Variants in TMEM87B observed in about 807,000 individuals in gnomAD.
TMEM87B encodes the protein transmembrane protein 87B.
Under a neutral mutation model 80.3 loss-of-function variants are expected in TMEM87B, and 83 were observed. That is an observed-to-expected ratio of 1.03 (90% CI 0.87 to 1.24). The LOEUF (loss-of-function observed/expected upper bound fraction) is 1.24. TMEM87B is among the 50% of genes most tolerant of loss of function. The probability of loss-of-function intolerance (pLI) is 0.00; values close to 1 mark genes in which losing one functional copy is unlikely to be tolerated. For synonymous variants in TMEM87B, 219 were observed against 230.5 expected (o/e 0.95, Z 0.45); for missense variants, 625 against 674.4 (o/e 0.93, Z 0.81).
intron 3 of TMEM87B, among the ~76,000 whole-genome samples, chr2:112,065,643 CAAAAAAAAAAA>C (rs58619427): frequency 4.0e-5 from 3 of 75,352 alleles, no homozygotes; most frequent in African/African-American, 9.1e-5. Context: ...ACCTTGTCTT[CAAAAAAAAAAA>C]AAAAAAAAAA....
At chr2:112,058,964 C>G (rs1678164173) in intron 1 of TMEM87B, among the ~76,000 whole-genome samples, 1 of 152,134 alleles carries the variant, frequency 6.6e-6, no homozygotes, top group Admixed American at 6.5e-5. Flanking sequence ...AGTTGGTGAG[C>G]AGAGAGGAGT....
chr2:112,116,383 A>G lies in TMEM87B; in HGVS notation c.*240A>G, dbSNP rs983990373. Reference sequence around the variant, plus strand: ...ATAACCTGAGGAAAGTATTATGATAAAGATCTGCACAGATGCCTCTTAGCT... The same window carrying G: ...ATAACCTGAGGAAAGTATTATGATAGAGATCTGCACAGATGCCTCTTAGCT... On this transcript the variant is annotated 3_prime_UTR_variant, in exon 19 of 19. Coordinates refer to ENST00000283206, the MANE Select transcript of TMEM87B (RefSeq NM_032824.3). 1.8e-5 allele frequency: 8 copies of G among 438,222 alleles called. No individual in the cohort carries two copies. The highest frequency in any genetic ancestry group is 2.0e-5 in the Non-Finnish European group (5 of 245,244). 27.1% of individuals were successfully genotyped at this position (438,222 alleles called of 1,614,324 possible).
chr2:112,084,366 CAT>C (rs1679085448), intron 8 of TMEM87B, among the ~76,000 whole-genome samples: 1 of 152,202 alleles, frequency 6.6e-6, no homozygotes, highest in Non-Finnish European at 1.5e-5. Flanking sequence ...GAGCTACAGA[CAT>C]ATATATCCAG....
chr2:112,076,845 TGTG>T, intron 5 of TMEM87B, among the ~76,000 whole-genome samples: 1 of 11,612 alleles, frequency 8.6e-5, no homozygotes, highest in African/African-American at 9.5e-4. Flanking sequence ...TTCTGTTTTG[TGTG>T]TGTGTGTGTG....
chr2:112,085,132 A>T (rs1190667422), intron 8 of TMEM87B, among the ~76,000 whole-genome samples: 2 of 152,134 alleles, frequency 1.3e-5, no homozygotes, highest in Admixed American at 6.5e-5. Flanking sequence ...GTTTATTGTT[A>T]TTGACTTCCC....
At chr2:112,110,730 C>T (rs1419278839) in intron 17 of TMEM87B, among the ~76,000 whole-genome samples, 1 of 151,978 alleles carries the variant, frequency 6.6e-6, no homozygotes, top group African/African-American at 2.4e-5. Context: ...CCTTCTCCCA[C>T]CGCCCCCCCC....
rs4849007 is a variant in TMEM87B, at chr2:112,098,588, C to G, written c.1273-7C>G. On this transcript the variant is annotated splice_polypyrimidine_tract_variant and splice_region_variant and intron_variant, in intron 13 of 18. Coordinates refer to ENST00000283206, the MANE Select transcript of TMEM87B (RefSeq NM_032824.3). ...AACGTTTCATGCTTGAATTGTCCTT[C>G]TTTTAGGATTGGATGGAACGCTGGG... 2 of 1,613,036 alleles carry G rather than the reference C, an allele frequency of 1.2e-6. No individual in the cohort carries two copies. Among genetic ancestry groups the G allele is most frequent in the Admixed American group, 1.7e-5 (1 of 59,940 alleles).
At chr2:112,081,179 G>C in intron 7 of TMEM87B, 61 bp downstream of exon 7, 1 of 1,527,676 alleles carries the variant, frequency 6.5e-7, no homozygotes. Flanking sequence ...TAAGAGCTTT[G>C]TGGTAGTAAT....
At chr2:112,079,555 A>G (rs1678923461) in intron 6 of TMEM87B, among the ~76,000 whole-genome samples, 1 of 152,224 alleles carries the variant, frequency 6.6e-6, no homozygotes, top group African/African-American at 2.4e-5. Context: ...GCTATTGTTC[A>G]TACTGCTGCA....
chr2:112,056,405 T>C lies in TMEM87B; in HGVS notation c.165+649T>C, dbSNP rs1293236206. On this transcript the variant is annotated intron_variant, in intron 1 of 18. Transcript: ENST00000283206. ...GATTAGGGAGTGCTTGAAAGGCGAA[T>C]CTGGAGGCATGAGTGGGTGGAAACT... 2.0e-5 allele frequency among the ~76,000 whole-genome samples: 3 copies of C among 152,002 alleles called. No individual in the cohort carries two copies. In the East Asian group the frequency reaches 5.8e-4, roughly 29 times the overall value.
intron 9 of TMEM87B, among the ~76,000 whole-genome samples, chr2:112,089,002 G>A (rs1182766495): frequency 6.6e-6 from 1 of 152,154 alleles, no homozygotes; most frequent in Non-Finnish European, 1.5e-5. Context: ...CTCAAGTAAT[G>A]TGCGTACCTT....
At position 112,076,097 on chromosome 2, in the gene TMEM87B, C is replaced by T. The variant is rs1016006709; in HGVS notation, c.502-1095C>T. Among the ~76,000 whole-genome samples the T allele has an allele frequency of 7.9e-5, 12 of 152,034 alleles. No individual in the cohort carries two copies. The South Asian group carries it at 2.5e-3, about 32-fold the overall frequency. On this transcript the variant is annotated intron_variant, in intron 5 of 18. Coordinates refer to ENST00000283206, the MANE Select transcript of TMEM87B (RefSeq NM_032824.3). The stretch of plus-strand genomic sequence containing the variant: ...TCTTCCCCCAATTCAATTTAAAAAC[C>T]ACACATTAGGCCGGGTGTGGTGGCA...
intron 2 of TMEM87B, among the ~76,000 whole-genome samples, chr2:112,060,553 T>C (rs1290676648): frequency 6.6e-6 from 1 of 151,754 alleles, no homozygotes; most frequent in African/African-American, 2.4e-5. Context: ...TTTTTTTTTC[T>C]TGAGACAGAG....
intron 4 of TMEM87B, 123 bp downstream of exon 4, chr2:112,067,190 GT>G: frequency 7.7e-7 from 1 of 1,299,434 alleles, no homozygotes; most frequent in Non-Finnish European, 1.1e-6. Context: ...TTAAAATAAA[GT>G]TTATTTTATT....
rs554401966 is a variant in TMEM87B at position 112,080,420 on chromosome 2, C to T, written c.593-637C>T. On this transcript the variant is annotated intron_variant, in intron 6 of 18. Coordinates refer to ENST00000283206, the MANE Select transcript of TMEM87B (RefSeq NM_032824.3). ...GACTACAGGTGCTCGCCACCACGCC[C>T]GGCTAATTTTTTGTATTTTTAGTAG... Among the ~76,000 whole-genome samples the T allele has an allele frequency of 3.3e-4, 50 of 151,958 alleles. No homozygotes were observed. In the East Asian group the frequency reaches 3.3e-3, roughly 10 times the overall value.
chr2:112,100,571 A>G (rs945922157), intron 14 of TMEM87B, 51 bp from the exon 15 acceptor site: 11 of 1,229,186 alleles, frequency 8.9e-6, no homozygotes, highest in Non-Finnish European at 1.2e-5. Flanking sequence ...TAAACTGAAA[A>G]TTGAACAAGT....
intron 4 of TMEM87B, among the ~76,000 whole-genome samples, chr2:112,070,804 T>C (rs375233108): frequency 5.7e-4 from 87 of 152,282 alleles, no homozygotes; most frequent in African/African-American, 2.0e-3. Flanking sequence ...TTCATATCCA[T>C]GAGCATGGAA....
At chr2:112,097,810 G>GT (rs201005337) in intron 13 of TMEM87B, among the ~76,000 whole-genome samples, 1,533 of 149,424 alleles carry the variant, frequency 0.01, 28 homozygotes, top group African/African-American at 0.036. Flanking sequence ...CTTTTGTCAA[G>GT]TTTTTTTTAT....
intron 9 of TMEM87B, among the ~76,000 whole-genome samples, chr2:112,088,392 T>C (rs1679208224): frequency 6.6e-6 from 1 of 152,194 alleles, no homozygotes. Context: ...TCGGCTCAAC[T>C]CATAAAGTGA....
Sources: gnomAD v4.1 joint callset for allele counts (sites outside exome capture counted in the v4.1 genomes callset) on GRCh38, gnomAD v4.1.1 for gene constraint, MANE v1.5 for transcripts, NCBI Gene and HGNC (gene_info 2026-07-23, HGNC 2026-07-21) for gene names.